Variants in SCHIP1 observed in about 807,000 individuals in gnomAD.
The protein encoded by SCHIP1 is schwannomin-interacting protein 1.
Under a neutral mutation model 29.7 loss-of-function variants are expected in SCHIP1, and 8 were observed. The ratio of observed to expected loss-of-function variants is 0.27; its 90% CI spans 0.16 to 0.49. SCHIP1 has a LOEUF of 0.49. SCHIP1 is among the 20% of genes least tolerant of loss of function. The pLI, the probability that SCHIP1 is intolerant of heterozygous loss-of-function variation, is 0.99. For synonymous variants in SCHIP1, 76 were observed against 94.9 expected (o/e 0.80, Z 1.16); for missense variants, 193 against 294.6 (o/e 0.66, Z 2.52).
At chr3:159,596,404 T>A in the SCHIP1 span, among the ~76,000 whole-genome samples, 39 of 152,174 alleles carry the variant, frequency 2.6e-4, no homozygotes, top group African/African-American at 9.4e-4. Flanking sequence ...TTCCTCAAGG[T>A]TCTAGAACTA....
At chr3:159,777,057 A>C in the SCHIP1 span, among the ~76,000 whole-genome samples, 1 of 152,240 alleles carries the variant, frequency 6.6e-6, no homozygotes, top group Non-Finnish European at 1.5e-5. Flanking sequence ...TGTCAGGAGA[A>C]GCCCAAGATC....
At chr3:159,379,325 G>A in the SCHIP1 span, among the ~76,000 whole-genome samples, 7 of 151,726 alleles carry the variant, frequency 4.6e-5, no homozygotes, top group African/African-American at 1.2e-4. Context: ...AGGTTCAAGC[G>A]ATTCTCCTGC....
the SCHIP1 span, among the ~76,000 whole-genome samples, chr3:159,506,937 C>T: frequency 6.6e-6 from 1 of 151,774 alleles, no homozygotes; most frequent in Non-Finnish European, 1.5e-5. Flanking sequence ...TAGCATTCTC[C>T]TGGCAATGCG....
chr3:159,589,005 T>C, the SCHIP1 span, among the ~76,000 whole-genome samples: 2 of 152,192 alleles, frequency 1.3e-5, no homozygotes, highest in Non-Finnish European at 2.9e-5. Flanking sequence ...GTGAAGGAAG[T>C]CATTGGTAGC....
rs201632360 is a variant in SCHIP1 at position 159,887,737 on chromosome 3, A to T, written c.297A>T (p.Arg99Ser). ...AACAGAGTTCTTCCTATTCTGATAG[A>T]GACACTACTGAAGAGGAGTCTGAAT... The change falls in exon 4 of 7, where the codon AGA becomes AGT. Residue 99 changes from arginine to serine, a missense_variant. Coordinates refer to ENST00000445224, the Ensembl canonical transcript of SCHIP1. 4 of 1,614,030 alleles carry T rather than the reference A, an allele frequency of 2.5e-6. No individual in the cohort carries two copies. In the Admixed American group the frequency reaches 6.7e-5, roughly 27 times the overall value.
chr3:159,310,875 A>T, the SCHIP1 span, among the ~76,000 whole-genome samples: 1 of 152,170 alleles, frequency 6.6e-6, no homozygotes, highest in East Asian at 1.9e-4. Flanking sequence ...GGTGACCTGA[A>T]TAAAATTGAT....
chr3:159,688,774 A>G, the SCHIP1 span, among the ~76,000 whole-genome samples: 1 of 152,212 alleles, frequency 6.6e-6, no homozygotes, highest in African/African-American at 2.4e-5. Context: ...TGATTTTTGT[A>G]TAAAGCGTAA....
the SCHIP1 span, among the ~76,000 whole-genome samples, chr3:159,694,580 GAAAGAAAGAAAGAAAGAAAGAAAGA>G: frequency 6.7e-6 from 1 of 149,394 alleles, no homozygotes; most frequent in Non-Finnish European, 1.5e-5. Flanking sequence ...AAGAAAGAAA[GAAAGAAAGAAAGAAAGAAAGAAAGA>G]AAGGAATTAT....
At chr3:159,726,119 C>G in the SCHIP1 span, among the ~76,000 whole-genome samples, 1 of 152,050 alleles carries the variant, frequency 6.6e-6, no homozygotes, top group African/African-American at 2.4e-5. Context: ...TAACATAAAA[C>G]TGAATGAAGG....
At chr3:159,511,049 A>C in the SCHIP1 span, among the ~76,000 whole-genome samples, 3 of 152,166 alleles carry the variant, frequency 2.0e-5, no homozygotes, top group East Asian at 3.9e-4. Flanking sequence ...TTGTTTGGCT[A>C]TGCCCTGCCC....
the SCHIP1 span, among the ~76,000 whole-genome samples, chr3:159,793,951 C>T: frequency 3.9e-5 from 6 of 152,160 alleles, no homozygotes; most frequent in Non-Finnish European, 7.4e-5. Flanking sequence ...CATCCTGTTT[C>T]CTCTATGACT....
intron 3 of SCHIP1, chr3:159,886,929 C>A (rs1717020088): frequency 6.5e-6 from 1 of 154,628 alleles, no homozygotes; most frequent in African/African-American, 2.4e-5. Context: ...ATTTTTAAAA[C>A]CATCATATCT....
the SCHIP1 span, among the ~76,000 whole-genome samples, chr3:159,667,763 C>T: frequency 1.8e-4 from 27 of 152,318 alleles, no homozygotes; most frequent in African/African-American, 4.8e-4. Context: ...ATTTGTCCAC[C>T]TTTTCAGCCC....
At chr3:159,791,311 A>C in the SCHIP1 span, among the ~76,000 whole-genome samples, 3 of 152,258 alleles carry the variant, frequency 2.0e-5, no homozygotes, top group Admixed American at 2.0e-4. Flanking sequence ...GTGAAAAAAA[A>C]CACAGAAAGA....
chr3:159,385,817 G>A, the SCHIP1 span, among the ~76,000 whole-genome samples: 2 of 152,044 alleles, frequency 1.3e-5, no homozygotes, highest in African/African-American at 2.4e-5. Context: ...ACTACATTAG[G>A]TATTTCTCCT....
At chr3:159,355,043 C>A in the SCHIP1 span, among the ~76,000 whole-genome samples, 1 of 152,098 alleles carries the variant, frequency 6.6e-6, no homozygotes, top group Non-Finnish European at 1.5e-5. Context: ...TTTTCCAGGG[C>A]AGCTAGAAGG....
chr3:159,557,106 C>T, the SCHIP1 span, among the ~76,000 whole-genome samples: 1,231 of 151,810 alleles, frequency 8.1e-3, 12 homozygotes, highest in African/African-American at 0.028. Flanking sequence ...TGCATGCATC[C>T]GCCACCACGC....
chr3:159,747,842 CT>C, the SCHIP1 span, among the ~76,000 whole-genome samples: 2 of 152,142 alleles, frequency 1.3e-5, no homozygotes, highest in East Asian at 3.8e-4. Context: ...AGTCAAATAT[CT>C]TTTGAGCTTT....
the SCHIP1 span, among the ~76,000 whole-genome samples, chr3:159,507,729 T>G: frequency 6.6e-6 from 1 of 152,210 alleles, no homozygotes; most frequent in Non-Finnish European, 1.5e-5. Flanking sequence ...GATAATCATG[T>G]GGTTTTTGTC....
Sources: allele counts gnomAD v4.1 joint callset (sites outside exome capture counted in the v4.1 genomes callset), GRCh38; gene constraint gnomAD v4.1.1; transcripts MANE v1.5; gene names NCBI Gene and HGNC (gene_info 2026-07-23, HGNC 2026-07-21).